The following NFS1 variants were observed in gnomAD, a reference collection of about 807,000 sequenced individuals.
The protein encoded by NFS1 is NFS1 cysteine desulfurase, also known as cysteine desulfurase.
A neutral mutation model predicts 57.3 loss-of-function variants in NFS1; 26 were observed. The ratio of observed to expected loss-of-function variants is 0.45; its 90% CI spans 0.33 to 0.63. The LOEUF is 0.63. NFS1 is among the 20% of genes least tolerant of loss of function. NFS1 has a pLI of 0.02. For synonymous variants in NFS1, 209 were observed against 216.3 expected, an observed-to-expected ratio of 0.97 and a Z score of 0.30; for missense variants, 505 against 605.8, an observed-to-expected ratio of 0.83 and a Z score of 1.75.
intron 5 of NFS1, among the ~76,000 whole-genome samples, chr20:35,687,610 T>G (rs529909760): frequency 6.6e-6 from 1 of 152,232 alleles, no homozygotes; most frequent in African/African-American, 2.4e-5. Context: ...CGTGCCTTGG[T>G]GGTAGTGGTC....
rs151271979 is a variant in NFS1, at chr20:35,680,292, G to A, written c.790+445C>T. Among the ~76,000 whole-genome samples, 591 of 152,012 alleles carry A rather than the reference G, an allele frequency of 3.9e-3. 2 individuals are homozygous for A. Among genetic ancestry groups the A allele is most frequent in the African/African-American group, 0.013 (553 of 41,472 alleles). On this transcript the variant is annotated intron_variant, in intron 7 of 12. Coordinates refer to ENST00000374092, the MANE Select transcript of NFS1 (RefSeq NM_021100.5). ...TGCACTCCAGCCTGGGCGACTGAGC[G>A]AGACTCCGTCTCAAGAAAAAAAAAA... is the stretch of plus-strand genomic sequence containing the variant.
At chr20:35,681,859 A>G in intron 6 of NFS1, 29 bp downstream of exon 6, 1 of 1,287,588 alleles carries the variant, frequency 7.8e-7, no homozygotes, top group East Asian at 2.3e-5. Flanking sequence ...CATGGTGGGC[A>G]GGGATCAGGG....
chr20:35,693,288 G>T (rs996256416), intron 4 of NFS1, among the ~76,000 whole-genome samples: 7 of 151,814 alleles, frequency 4.6e-5, no homozygotes, highest in Non-Finnish European at 7.4e-5. Flanking sequence ...AGTAGAGATG[G>T]TGTTTCACCA....
At chr20:35,675,236 G>A (rs2034722002) in intron 7 of NFS1, 34 bp from the exon 8 acceptor site, 2 of 1,558,530 alleles carry the variant, frequency 1.3e-6, no homozygotes, top group Non-Finnish European at 8.7e-7. Context: ...AAAACAGAAA[G>A]AGAGAAAAGT....
Position 35,669,646 on chromosome 20 carries a change from C to G in NFS1, c.1350G>C (p.Lys450Asn), listed in dbSNP as rs1244603249. The G allele has an allele frequency of 6.2e-7, 1 of 1,614,066 alleles. No individual in the cohort carries two copies. Among genetic ancestry groups the G allele is most frequent in the Non-Finnish European group, 8.5e-7 (1 of 1,179,954 alleles). Residue 450 changes from lysine to asparagine, a missense_variant, in exon 13 of 13, where the codon AAG becomes AAC. Physicochemically the swap from Lys to Asn is moderately conservative, Grantham distance 94. Coordinates refer to ENST00000374092, the MANE Select transcript of NFS1 (RefSeq NM_021100.5). The part of the protein sequence containing the change: ...WEMVQDGIDL[K>N]SIKWTQH ...TCTAGTGTTGGGTCCACTTGATGCT[C>G]TTGAGGTCAATGCCATCCTGAACCA...
At chr20:35,678,528 CA>C (rs1169564584) in intron 7 of NFS1, among the ~76,000 whole-genome samples, 908 of 56,936 alleles carry the variant, frequency 0.016, 7 homozygotes, top group East Asian at 0.088. Context: ...GACTTTGTCT[CA>C]AAAAAAAAAA....
chr20:35,683,063 A>C (rs1284942108), intron 5 of NFS1, among the ~76,000 whole-genome samples: 1 of 148,110 alleles, frequency 6.8e-6, no homozygotes, highest in Non-Finnish European at 1.5e-5. Context: ...GGGCAACAGA[A>C]CAAGATTCCA....
At chr20:35,676,758 G>GAAAAAAAAAAAAAAAAAAAAAAAAAAA (rs746820595) in intron 7 of NFS1, among the ~76,000 whole-genome samples, 1 of 18,132 alleles carries the variant, frequency 5.5e-5, no homozygotes, top group African/African-American at 2.5e-4. Flanking sequence ...GAGAAAATCA[G>GAAAAAAAAAAAAAAAAAAAAAAAAAAA]AAAAAAAAAA....
rs6060565 is a variant in NFS1 at position 35,697,520 on chromosome 20, C to T, written c.324+164G>A. Among the ~76,000 whole-genome samples the T allele has an allele frequency of 0.26, 39,273 of 151,956 alleles. 5,871 individuals are homozygous for T. Among genetic ancestry groups the T allele is most frequent in the African/African-American group, 0.42 (17,509 of 41,388 alleles). On this transcript the variant is annotated intron_variant, in intron 3 of 12. Coordinates refer to ENST00000374092, the MANE Select transcript of NFS1 (RefSeq NM_021100.5). ...TCATTTAGCCAGGAAATATGGGAAC[C>T]AATCAAATGCCTGCAGTCAAACTCC...
At chr20:35,677,421 A>C (rs957415947) in intron 7 of NFS1, among the ~76,000 whole-genome samples, 8 of 152,020 alleles carry the variant, frequency 5.3e-5, no homozygotes, top group Non-Finnish European at 1.2e-4. Flanking sequence ...TTATAGTCCC[A>C]GCTACTCTGG....
chr20:35,675,203 C>T lies in NFS1; in HGVS notation c.791-1G>A. 6.3e-7 allele frequency: 1 copy of T among 1,586,644 alleles called. No homozygotes were observed. The highest frequency in any genetic ancestry group is 8.6e-7 in the Non-Finnish European group (1 of 1,164,976). On this transcript the variant is annotated splice_acceptor_variant, in intron 7 of 12. Transcript: ENST00000374092. LOFTEE classifies it high-confidence loss of function. ...CGACGGATGTAGATGGCACCAACCC[C>T]TGGGAAACAAAATTTGTTACAAAAA...
At chr20:35,683,211 T>C (rs1194943475) in intron 5 of NFS1, among the ~76,000 whole-genome samples, 1 of 152,040 alleles carries the variant, frequency 6.6e-6, no homozygotes, top group Non-Finnish European at 1.5e-5. Flanking sequence ...CAGCCGGGTG[T>C]GGTGGCTCAC....
intron 5 of NFS1, among the ~76,000 whole-genome samples, chr20:35,689,947 A>T (rs889665708): frequency 6.7e-6 from 1 of 149,428 alleles, no homozygotes; most frequent in Admixed American, 6.7e-5. Context: ...AAAAAAAAAA[A>T]AATTAACTGG....
At position 35,669,568 on chromosome 20, in the gene NFS1, C is replaced by G; in HGVS notation, c.*54G>C. 1 of 1,532,074 alleles carries G rather than the reference C, an allele frequency of 6.5e-7. No individual in the cohort carries two copies. Among genetic ancestry groups the G allele is most frequent in the East Asian group, 2.2e-5 (1 of 44,470 alleles). 94.9% of individuals were successfully genotyped at this position (1,532,074 alleles called of 1,614,324 possible). On this transcript the variant is annotated 3_prime_UTR_variant, in exon 13 of 13. Coordinates refer to ENST00000374092, the MANE Select transcript of NFS1 (RefSeq NM_021100.5). ...GTGTAACAAGGTGTCTGGTTGTGCA[C>G]GGGTTGGTGAGGCAGGAGGGGCCAG...
intron 2 of NFS1, among the ~76,000 whole-genome samples, chr20:35,698,272 C>A (rs992013228): frequency 1.3e-5 from 2 of 152,244 alleles, no homozygotes; most frequent in African/African-American, 4.8e-5. Context: ...ATAGAGCCTG[C>A]GCTGAAGTGA....
Position 35,689,929 on chromosome 20 carries a change from C to CAAAA in NFS1, c.561+480_561+483dup, listed in dbSNP as rs779636716. ...TAGGTGACAGAATGAGACTCTGCCT[C>CAAAA]AAAAAAAAAAAAAAAAAAAATTAAC... On this transcript the variant is annotated intron_variant, in intron 5 of 12. Transcript: ENST00000374092. 5.0e-3 allele frequency among the ~76,000 whole-genome samples: 356 copies of CAAAA among 70,936 alleles called. 6 individuals carry two copies. Among genetic ancestry groups the CAAAA allele is most frequent in the African/African-American group, 0.019 (334 of 17,506 alleles). The allele number at this position is 70,936 out of a possible 152,430, so 46.5% of individuals were successfully genotyped here.
Position 35,698,550 on chromosome 20 carries a change from T to A in NFS1, c.138A>T (p.Thr46=), listed in dbSNP as rs1379429247. 1.9e-6 allele frequency: 3 copies of A among 1,613,790 alleles called. No individual in the cohort carries two copies. In the South Asian group the frequency reaches 3.3e-5, roughly 18 times the overall value. ...CTGGCCCCACCTCCGGGGCAGCGGCTGTATCTGCGGGAACCGCAGACTGAG... is the reference window on the plus strand; with the variant it reads ...CTGGCCCCACCTCCGGGGCAGCGGCAGTATCTGCGGGAACCGCAGACTGAG... ...RAPQSAVPAD[T]AAAPEVGPVL... is the part of the protein sequence containing the mutation. Residue 46 remains threonine (T), a synonymous_variant, in exon 2 of 13, where the codon ACA becomes ACT. Transcript: ENST00000374092.
At position 35,696,429 on chromosome 20, in the gene NFS1, C is replaced by T. The variant is rs755167638; in HGVS notation, c.356G>A (p.Arg119His). 2.3e-5 allele frequency: 37 copies of T among 1,613,822 alleles called. No individual in the cohort carries two copies. The highest frequency in any genetic ancestry group is 1.3e-4 in the East Asian group (6 of 44,884). ...QVASLIGADP[R>H]EIIFTSGATE... is the part of the protein sequence containing the mutation. ...AGCACCACTAGTAAAAATGATCTCA[C>T]GAGGATCAGCTCCAATCAGAGATGC... Residue 119 changes from arginine to histidine, a missense_variant, in exon 4 of 13, where the codon CGT (arginine) becomes CAT (histidine). Physicochemically the swap from Arg to His is conservative, Grantham distance 29. Transcript: ENST00000374092.
rs2034615882 is a variant in NFS1, at chr20:35,669,402, C to T, written c.*220G>A. The stretch of plus-strand genomic sequence containing the variant: ...GCTTCGGGATGAAAATGTCCACACA[C>T]TTTAAGACCCGAGAAGAAATGGGGA... On this transcript the variant is annotated 3_prime_UTR_variant, in exon 13 of 13. Coordinates refer to ENST00000374092, the MANE Select transcript of NFS1 (RefSeq NM_021100.5). The T allele has an allele frequency of 2.0e-6, 1 of 507,936 alleles. No individual in the cohort carries two copies. Among genetic ancestry groups the T allele is most frequent in the South Asian group, 2.7e-5 (1 of 36,924 alleles). 31.5% of individuals were successfully genotyped at this position (507,936 alleles called of 1,614,324 possible).
Sources: gnomAD v4.1 joint callset for allele counts (sites outside exome capture counted in the v4.1 genomes callset) on GRCh38, gnomAD v4.1.1 for gene constraint, MANE v1.5 for transcripts, NCBI Gene and HGNC (gene_info 2026-07-23, HGNC 2026-07-21) for gene names.